Variants in SAMTOR observed in about 807,000 individuals in gnomAD.
SAMTOR encodes UPF0532 protein C7orf60.
At chr7:112,922,069 C>T in the SAMTOR span, among the ~76,000 whole-genome samples, 1 of 152,280 alleles carries the variant, frequency 6.6e-6, no homozygotes, top group East Asian at 1.9e-4. Context: ...GATTCTCCTG[C>T]ATCAGCCTGC....
chr7:112,839,116 C>T, the SAMTOR span, among the ~76,000 whole-genome samples: 1 of 151,812 alleles, frequency 6.6e-6, no homozygotes, highest in Non-Finnish European at 1.5e-5. Context: ...CCTCGATGAT[C>T]TTATTGTACA....
the SAMTOR span, among the ~76,000 whole-genome samples, chr7:112,902,426 AAAC>A: frequency 2.2e-3 from 222 of 100,562 alleles, 30 homozygotes; most frequent in Non-Finnish European, 3.2e-3. Context: ...CAAAAAAAAA[AAAC>A]AAAAAAAAAC....
the SAMTOR span, among the ~76,000 whole-genome samples, chr7:112,859,563 G>C: frequency 6.6e-6 from 1 of 152,196 alleles, no homozygotes; most frequent in Non-Finnish European, 1.5e-5. Context: ...TGCCATGGGA[G>C]ATGAGAGCTC....
chr7:112,850,062 C>T, the SAMTOR span, among the ~76,000 whole-genome samples: 23 of 151,998 alleles, frequency 1.5e-4, no homozygotes, highest in African/African-American at 4.1e-4. Flanking sequence ...CAAAATTAGC[C>T]GGGTGTGGTG....
chr7:112,822,319 C>A, the SAMTOR span: 1 of 1,612,142 alleles, frequency 6.2e-7, no homozygotes, highest in African/African-American at 1.3e-5. Flanking sequence ...GCATCCTGTG[C>A]AAGCTGGAGT....
the SAMTOR span, among the ~76,000 whole-genome samples, chr7:112,919,273 T>C: frequency 6.6e-6 from 1 of 152,024 alleles, no homozygotes; most frequent in Admixed American, 6.6e-5. Context: ...GCAATCAAAC[T>C]AGAACTCAGG....
the SAMTOR span, among the ~76,000 whole-genome samples, chr7:112,902,736 G>C: frequency 2.0e-4 from 31 of 152,038 alleles, no homozygotes; most frequent in Non-Finnish European, 2.8e-4. Flanking sequence ...GGGATGGAGT[G>C]GTTGTATATG....
the SAMTOR span, among the ~76,000 whole-genome samples, chr7:112,843,674 C>G: frequency 6.6e-6 from 1 of 151,888 alleles, no homozygotes; most frequent in Non-Finnish European, 1.5e-5. Flanking sequence ...AAAAAATGCC[C>G]AGGACCAGAT....
the SAMTOR span, among the ~76,000 whole-genome samples, chr7:112,890,829 C>A: frequency 6.6e-6 from 1 of 151,776 alleles, no homozygotes. Flanking sequence ...TAGCTAGGAC[C>A]ACAGGCACAT....
the SAMTOR span, among the ~76,000 whole-genome samples, chr7:112,845,154 G>GC: frequency 6.6e-6 from 1 of 152,084 alleles, no homozygotes; most frequent in Non-Finnish European, 1.5e-5. Context: ...GACAACCTGG[G>GC]CAACACCATT....
chr7:112,860,027 G>A, the SAMTOR span, among the ~76,000 whole-genome samples: 1 of 152,118 alleles, frequency 6.6e-6, no homozygotes, highest in African/African-American at 2.4e-5. Flanking sequence ...TCCATTCGTG[G>A]TAAGTGCACT....
At chr7:112,848,468 C>G in the SAMTOR span, among the ~76,000 whole-genome samples, 1 of 152,048 alleles carries the variant, frequency 6.6e-6, no homozygotes, top group African/African-American at 2.4e-5. Context: ...GAAGAAGACA[C>G]AAGTGTAAAC....
chr7:112,887,831 T>C, the SAMTOR span, among the ~76,000 whole-genome samples: 1 of 152,154 alleles, frequency 6.6e-6, no homozygotes, highest in East Asian at 1.9e-4. Flanking sequence ...TTGTATCCTA[T>C]CTCTTTTCGT....
the SAMTOR span, among the ~76,000 whole-genome samples, chr7:112,893,723 G>A: frequency 1.3e-5 from 2 of 152,196 alleles, no homozygotes; most frequent in South Asian, 2.1e-4. Flanking sequence ...CCAACATGGT[G>A]AAACCCCGTC....
the SAMTOR span, among the ~76,000 whole-genome samples, chr7:112,899,235 A>T: frequency 1.3e-5 from 2 of 152,162 alleles, no homozygotes; most frequent in African/African-American, 4.8e-5. Flanking sequence ...TTTAACAAAG[A>T]GATTAAAATA....
chr7:112,911,177 C>T, the SAMTOR span, among the ~76,000 whole-genome samples: 5 of 152,230 alleles, frequency 3.3e-5, no homozygotes, highest in Admixed American at 1.3e-4. Flanking sequence ...CCCCATTCTC[C>T]TCCTGATTCC....
At chr7:112,836,814 A>C in the SAMTOR span, among the ~76,000 whole-genome samples, 1 of 152,242 alleles carries the variant, frequency 6.6e-6, no homozygotes, top group Non-Finnish European at 1.5e-5. Flanking sequence ...CTGTTTTGGT[A>C]CCAGTACCAT....
chr7:112,821,444 C>A, the SAMTOR span: 1 of 204,792 alleles, frequency 4.9e-6, no homozygotes, highest in Non-Finnish European at 9.7e-6. Context: ...AAACATATAG[C>A]AAATTATGCT....
chr7:112,924,196 T>C, the SAMTOR span, among the ~76,000 whole-genome samples: 4 of 151,220 alleles, frequency 2.6e-5, no homozygotes, highest in African/African-American at 9.7e-5. Context: ...AGTATAATAA[T>C]AATAAAAAAA....
Sources: gnomAD v4.1 joint callset for allele counts (sites outside exome capture counted in the v4.1 genomes callset) on GRCh38, gnomAD v4.1.1 for gene constraint, MANE v1.5 for transcripts, NCBI Gene and HGNC (gene_info 2026-07-23, HGNC 2026-07-21) for gene names.